The following NEURL4 variants were observed in gnomAD, a reference collection of about 807,000 sequenced individuals.
The protein encoded by NEURL4 is neuralized E3 ubiquitin protein ligase 4.
A neutral mutation model predicts 148.0 loss-of-function variants in NEURL4; 45 were observed. The ratio of observed to expected loss-of-function variants is 0.30; its 90% CI spans 0.24 to 0.39. The LOEUF (loss-of-function observed/expected upper bound fraction) is 0.39. NEURL4 is among the 10% of genes least tolerant of loss of function. NEURL4 has a pLI of 1.00. For synonymous variants in NEURL4, 854 were observed against 869.0 expected (o/e 0.98, Z 0.30); for missense variants, 1,776 against 2,144.0 (o/e 0.83, Z 3.39).
chr17:7,321,822 G>A lies in NEURL4; in HGVS notation c.2872-35C>T, dbSNP rs765415364. ...AGAGAAAACATAAGCTGGCCCTGTCGTGATGGGCCTCGCAGCCCCTCTGTC... is the reference window on the plus strand; with the variant it reads ...AGAGAAAACATAAGCTGGCCCTGTCATGATGGGCCTCGCAGCCCCTCTGTC... On this transcript the variant is annotated intron_variant, in intron 17 of 28. Transcript: ENST00000399464. The surrounding 1 kb of genome is among the most constrained non-coding windows in gnomAD (Gnocchi z 6.3). 5.0e-6 allele frequency: 8 copies of A among 1,611,760 alleles called. No homozygotes were observed. Among genetic ancestry groups the A allele is most frequent in the African/African-American group, 2.7e-5 (2 of 74,892 alleles).
rs2143013663 is a variant in NEURL4, at chr17:7,327,630, A to G, written c.537T>C (p.Gly179=). 2 of 1,613,214 alleles carry G rather than the reference A, an allele frequency of 1.2e-6. No individual in the cohort carries two copies. The highest frequency in any genetic ancestry group is 2.2e-5 in the South Asian group (2 of 91,082). ...LRLWVNGRDC[G]VAATGLPPRV... ...GAGGGGGCAGGCCTGTGGCAGCCAC[A>G]CCGCAATCCCGCCCATTCACCCAGA... is the stretch of plus-strand genomic sequence containing the variant. Residue 179 remains glycine (G), a synonymous_variant, in exon 2 of 29, where the codon GGT becomes GGC. Transcript: ENST00000399464. This position sits in a 1 kb window ranked among gnomAD's most constrained non-coding sequence, Gnocchi z 6.6.
At position 7,322,846 on chromosome 17, in the gene NEURL4, G is replaced by A; in HGVS notation, c.2614C>T (p.Leu872Phe). The A allele has an allele frequency of 6.2e-7, 1 of 1,614,034 alleles. No homozygotes were observed. The highest frequency in any genetic ancestry group is 8.5e-7 in the Non-Finnish European group (1 of 1,179,946). ...PGKEVYAVVD[L>F]YGQCVQVSIT... ...GACACTTGGACACACTGGCCATAGA[G>A]ATCGACTACCGCATACACCTCTGGG... Residue 872 changes from leucine (L) to phenylalanine (F), a missense_variant, in exon 16 of 29, where the codon CTC becomes TTC. Leu to Phe is a conservative substitution (Grantham distance 22). Transcript: ENST00000399464. The surrounding 1 kb of genome is among the most constrained non-coding windows in gnomAD (Gnocchi z 5.5).
chr17:7,325,365 C>T lies in NEURL4; in HGVS notation c.1475G>A (p.Arg492His), dbSNP rs756202643. ...CGCCCGCAGGATGGCGTTGTTTCGGCGGAGACGGTCACTGTGGTTGTTATT... is the reference window on the plus strand; with the variant it reads ...CGCCCGCAGGATGGCGTTGTTTCGGTGGAGACGGTCACTGTGGTTGTTATT... ...VHNNNHSDRL[R>H]RNNAILRALS... Residue 492 changes from arginine (R) to histidine (H), a missense_variant, in exon 8 of 29, where the codon CGC (arginine) becomes CAC (histidine). Physicochemically the swap from Arg to His is conservative, Grantham distance 29. Transcript: ENST00000399464. 57 of 1,613,132 alleles carry T rather than the reference C, an allele frequency of 3.5e-5. No individual in the cohort carries two copies. The Admixed American group carries it at 6.2e-4, about 17-fold the overall frequency.
At position 7,324,265 on chromosome 17, in the gene NEURL4, C is replaced by T. The variant is rs868287259; in HGVS notation, c.1905G>A (p.Gly635=). ...YGHNLDRLKA[G]DTVGVVRRED... ...CCCGCCGTACCACGCCCACCGTGTC[C>T]CCTGCCTTGGAAGAAGGGGGTGCTG... The change falls in exon 11 of 29, where the codon GGG becomes GGA. Residue 635 remains glycine (G), a synonymous_variant. Coordinates refer to ENST00000399464, the MANE Select transcript of NEURL4 (RefSeq NM_032442.3). This position sits in a 1 kb window ranked among gnomAD's most constrained non-coding sequence, Gnocchi z 5.9. 6.2e-7 allele frequency: 1 copy of T among 1,613,964 alleles called. No individual in the cohort carries two copies. Among genetic ancestry groups the T allele is most frequent in the South Asian group, 1.1e-5 (1 of 91,072 alleles).
At position 7,326,149 on chromosome 17, in the gene NEURL4, G is replaced by C; in HGVS notation, c.1293+106C>G. ...GGAACCTTTAGGTGGAAGATACAGGGACTGCCTCTAGGTCACATAGGAGAC... is the reference window on the plus strand; with the variant it reads ...GGAACCTTTAGGTGGAAGATACAGGCACTGCCTCTAGGTCACATAGGAGAC... On this transcript the variant is annotated intron_variant, in intron 6 of 28. Transcript: ENST00000399464. This position sits in a 1 kb window ranked among gnomAD's most constrained non-coding sequence, Gnocchi z 6.0. 9.7e-7 allele frequency: 1 copy of C among 1,029,064 alleles called. No homozygotes were observed. 63.7% of individuals were successfully genotyped at this position (1,029,064 alleles called of 1,614,324 possible).
chr17:7,317,931 T>G lies in NEURL4; in HGVS notation c.4062A>C (p.Glu1354Asp), dbSNP rs780420992. The G allele has an allele frequency of 3.0e-5, 48 of 1,614,086 alleles. No individual in the cohort carries two copies. The highest frequency in any genetic ancestry group is 1.2e-4 in the Admixed American group (7 of 60,002). The change falls in exon 26 of 29, where the codon GAA becomes GAC. Residue 1354 changes from glutamate to aspartate, a missense_variant and splice_region_variant. Coordinates refer to ENST00000399464, the MANE Select transcript of NEURL4 (RefSeq NM_032442.3). The part of the protein sequence containing the change: ...SRFQELLLLP[E>D]DYFMPPPKRS... ...GCTTTGGCGGAGGCATGAAATAATC[T>G]TCTGCGGGACAGTGAGTAGCAGGCT...
Position 7,319,205 on chromosome 17 carries a change from G to A in NEURL4, c.3529C>T (p.Arg1177Trp), listed in dbSNP as rs938217123. 1 of 1,609,878 alleles carries A rather than the reference G, an allele frequency of 6.2e-7. No homozygotes were observed. The highest frequency in any genetic ancestry group is 8.5e-7 in the Non-Finnish European group (1 of 1,177,526). The change falls in exon 22 of 29, where the codon CGG becomes TGG. Residue 1177 changes from arginine to tryptophan, a missense_variant. Arg to Trp is a moderately radical substitution (Grantham distance 101). Coordinates refer to ENST00000399464, the MANE Select transcript of NEURL4 (RefSeq NM_032442.3). ...CACTGTCGGTTTAGGAAATCTATCC[G>A]CACCTGGGGAAGAAAGAACTACTCC... ...PLVPQLLVQV[R>W]IDFLNRQWTS... is the part of the protein sequence containing the mutation.
At chr17:7,316,475 C>T in intron 28 of NEURL4, 148 bp from the exon 29 acceptor site, 6 of 645,840 alleles carry the variant, frequency 9.3e-6, no homozygotes, top group South Asian at 1.9e-5. Flanking sequence ...ACCTGAAATG[C>T]TCTTCCTCCC....
Position 7,317,483 on chromosome 17 carries a change from C to G in NEURL4, c.4296G>C (p.Leu1432=). Residue 1432 remains leucine (L), a synonymous_variant, in exon 27 of 29, where the codon CTG becomes CTC. Transcript: ENST00000399464. Reference sequence around the variant, plus strand: ...TACCTGCTCCCAGCTCCCCTCGGTCCAGCACTCTCCGTACAGCGGCAACAT... The same window carrying G: ...TACCTGCTCCCAGCTCCCCTCGGTCGAGCACTCTCCGTACAGCGGCAACAT... ...GSNVAAVRRV[L]DRGELGAGTA... 6.2e-7 allele frequency: 1 copy of G among 1,614,174 alleles called. No individual in the cohort carries two copies. Among genetic ancestry groups the G allele is most frequent in the Non-Finnish European group, 8.5e-7 (1 of 1,180,016 alleles).
chr17:7,320,201 C>T (rs2073012090), intron 21 of NEURL4, among the ~76,000 whole-genome samples: 1 of 151,378 alleles, frequency 6.6e-6, no homozygotes, highest in Non-Finnish European at 1.5e-5. Context: ...GGCGTGATCT[C>T]GGCTTACTGT....
rs376155256 is a variant in NEURL4, at chr17:7,327,106, C to T, written c.793+59G>A. 2 of 1,600,636 alleles carry T rather than the reference C, an allele frequency of 1.2e-6. No individual in the cohort carries two copies. The highest frequency in any genetic ancestry group is 8.5e-7 in the Non-Finnish European group (1 of 1,173,426). On this transcript the variant is annotated intron_variant, in intron 3 of 28. Coordinates refer to ENST00000399464, the MANE Select transcript of NEURL4 (RefSeq NM_032442.3). This position sits in a 1 kb window ranked among gnomAD's most constrained non-coding sequence, Gnocchi z 6.6. Reference sequence around the variant, plus strand: ...CTCTCCCTACCCCTTCTCCTGAGGGCCCTCCCTTGTCCACCTCACTTCCCA... The same window carrying T: ...CTCTCCCTACCCCTTCTCCTGAGGGTCCTCCCTTGTCCACCTCACTTCCCA...
chr17:7,326,983 C>T lies in NEURL4; in HGVS notation c.820G>A (p.Val274Met), dbSNP rs1175745128. Residue 274 changes from valine (V) to methionine (M), a missense_variant, in exon 4 of 29, where the codon GTG becomes ATG. Coordinates refer to ENST00000399464, the MANE Select transcript of NEURL4 (RefSeq NM_032442.3). This position sits in a 1 kb window ranked among gnomAD's most constrained non-coding sequence, Gnocchi z 6.0. ...NDFANMELSE[V>M]VSNTILSAYN... ...GCAGACAGGATGGTGTTGCTCACCA[C>T]CTCAGACAGCTCCATGTTGGCAAAG... 3.7e-6 allele frequency: 6 copies of T among 1,612,178 alleles called. No individual in the cohort carries two copies. Among genetic ancestry groups the T allele is most frequent in the Non-Finnish European group, 5.1e-6 (6 of 1,179,992 alleles).
At position 7,324,438 on chromosome 17, in the gene NEURL4, G is replaced by A. The variant is rs769890129; in HGVS notation, c.1856C>T (p.Thr619Met). 2.7e-5 allele frequency: 44 copies of A among 1,614,024 alleles called. 1 individual carries two copies. The highest frequency in any genetic ancestry group is 8.8e-5 in the South Asian group (8 of 91,086). Residue 619 changes from threonine to methionine, a missense_variant, in exon 10 of 29, where the codon ACG (threonine) becomes ATG (methionine). Coordinates refer to ENST00000399464, the MANE Select transcript of NEURL4 (RefSeq NM_032442.3). The surrounding 1 kb of genome is among the most constrained non-coding windows in gnomAD (Gnocchi z 5.9). ...MTGNGVMHNG[T>M]TILDEYGHNL... ...GTGCCCGTATTCATCCAGGATGGTCGTCCCATTGTGCATCACCCCATTCCC... is the reference window on the plus strand; with the variant it reads ...GTGCCCGTATTCATCCAGGATGGTCATCCCATTGTGCATCACCCCATTCCC...
In NEURL4 at chr17:7,320,762, C is replaced by G; in HGVS notation, c.3522G>C (p.Val1174=). 6.2e-7 allele frequency: 1 copy of G among 1,613,050 alleles called. No homozygotes were observed. The highest frequency in any genetic ancestry group is 8.5e-7 in the Non-Finnish European group (1 of 1,179,388). ...INQPLVPQLL[V]QVRIDFLNRQ... ...GGGATAGGGAGGGAGAACCCACCTG[C>G]ACCAGCAGCTGGGGCACCAGAGGTT... The change falls in exon 21 of 29, where the codon GTG becomes GTC. Residue 1174 remains valine, a synonymous_variant. Transcript: ENST00000399464.
Position 7,326,577 on chromosome 17 carries a change from A to T in NEURL4, c.1093-29T>A. On this transcript the variant is annotated intron_variant, in intron 4 of 28. Transcript: ENST00000399464. This position sits in a 1 kb window ranked among gnomAD's most constrained non-coding sequence, Gnocchi z 6.0. ...GCATTGAGGGACAGAAGGGAGAAGC[A>T]GGGAATGTAAATGCAGAAAGGGACC... 6.2e-7 allele frequency: 1 copy of T among 1,611,442 alleles called. No homozygotes were observed. Among genetic ancestry groups the T allele is most frequent in the Non-Finnish European group, 8.5e-7 (1 of 1,177,670 alleles).
rs1423382835 is a variant in NEURL4 at position 7,318,206 on chromosome 17, TGGGCTAGAA to T, written c.3953-43_3953-35del. 1 of 1,612,420 alleles carries T rather than the reference TGGGCTAGAA, an allele frequency of 6.2e-7. No homozygotes were observed. The highest frequency in any genetic ancestry group is 1.3e-5 in the African/African-American group (1 of 74,864). On this transcript the variant is annotated intron_variant, in intron 24 of 28. Coordinates refer to ENST00000399464, the MANE Select transcript of NEURL4 (RefSeq NM_032442.3). This position sits in a 1 kb window ranked among gnomAD's most constrained non-coding sequence, Gnocchi z 4.3. ...GCAGAGGGGCACAGGTCACAGGAGC[TGGGCTAGAA>T]GGGTGAGGGTGGGGGAGTAGGGGCA... is the stretch of plus-strand genomic sequence containing the variant.
rs187911149 is a variant in NEURL4, at chr17:7,327,419, C to A, written c.727+21G>T. The A allele has an allele frequency of 1.4e-4, 213 of 1,532,140 alleles. 2 individuals carry two copies. In the African/African-American group the frequency reaches 2.2e-3, roughly 16 times the overall value. The allele number at this position is 1,532,140 out of a possible 1,614,324, so 94.9% of individuals were successfully genotyped here. A position where few individuals can be genotyped will look rare whatever the true frequency, so the allele number is the denominator to read the frequency against. On this transcript the variant is annotated intron_variant, in intron 2 of 28. Transcript: ENST00000399464. This position sits in a 1 kb window ranked among gnomAD's most constrained non-coding sequence, Gnocchi z 6.6. ...CCATTCCGTCCCCACCCCACCACCA[C>A]TGCCCTAGCTGTGTTCTCACCTTCA... is the stretch of plus-strand genomic sequence containing the variant.
chr17:7,315,637 A>T lies in NEURL4; in HGVS notation c.*486T>A. 2 of 400,788 alleles carry T rather than the reference A, an allele frequency of 5.0e-6. No individual in the cohort carries two copies. The allele number at this position is 400,788 out of a possible 1,614,324, so 24.8% of individuals were successfully genotyped here. A position where few individuals can be genotyped will look rare whatever the true frequency, so the allele number is the denominator to read the frequency against. On this transcript the variant is annotated 3_prime_UTR_variant, in exon 29 of 29. Coordinates refer to ENST00000399464, the MANE Select transcript of NEURL4 (RefSeq NM_032442.3). ...GAGAGAGGCCGAGGCGGAGGCTCTG[A>T]GACGGTGTTTATTGGCTCCTTAGAA...
intron 14 of NEURL4, 122 bp downstream of exon 14, chr17:7,323,363 G>T: frequency 9.4e-7 from 1 of 1,063,438 alleles, no homozygotes; most frequent in South Asian, 1.4e-5. Flanking sequence ...TTCAAGGGGA[G>T]GGGACAGGTA....
Sources: allele counts gnomAD v4.1 joint callset (sites outside exome capture counted in the v4.1 genomes callset), GRCh38; gene constraint gnomAD v4.1.1; non-coding constraint Gnocchi (gnomAD v3.1); transcripts MANE v1.5; gene names NCBI Gene and HGNC (gene_info 2026-07-23, HGNC 2026-07-21).